Variants in SATB2 observed in about 807,000 individuals in gnomAD.
SATB2 encodes the protein DNA-binding protein SATB2.
Under a neutral mutation model 73.4 loss-of-function variants are expected in SATB2, and 1 was observed. That is an observed-to-expected ratio of 0.01 (90% CI 0.00 to 0.06). The LOEUF is 0.06. Among genes scored for constraint, SATB2 ranks in the 10% least tolerant of loss-of-function variants. SATB2 has a pLI of 1.00. For synonymous variants in SATB2, 397 were observed against 367.0 expected (o/e 1.08, Z -0.93); for missense variants, 459 against 945.8 (o/e 0.49, Z 6.75).
At chr2:199,342,579 T>A (rs1002629577) in intron 7 of SATB2, among the ~76,000 whole-genome samples, 1 of 152,118 alleles carries the variant, frequency 6.6e-6, no homozygotes, top group African/African-American at 2.4e-5. Context: ...GGAGATCCCA[T>A]ATCCTGGCAT....
intron 3 of SATB2, among the ~76,000 whole-genome samples, chr2:199,393,768 T>A (rs767439859): frequency 1.9e-4 from 29 of 152,232 alleles, no homozygotes; most frequent in Non-Finnish European, 3.5e-4. Flanking sequence ...CATCCAGCTT[T>A]TTGTTTCTCA....
Position 199,457,816 on chromosome 2 carries a change from AC to A in SATB2, c.-538del, listed in dbSNP as rs1692336141. On this transcript the variant is annotated 5_prime_UTR_variant, in exon 1 of 11. Transcript: ENST00000417098. This position sits in a 1 kb window ranked among gnomAD's most constrained non-coding sequence, Gnocchi z 4.8. ...CGGCCAGAGCGGTGGGACCGGTAACACCAAGAGCCGAGAAGACGCAGGGACC... is the reference window on the plus strand; with the variant it reads ...CGGCCAGAGCGGTGGGACCGGTAACACAAGAGCCGAGAAGACGCAGGGACC... 1.3e-5 allele frequency: 2 copies of A among 153,600 alleles called. No homozygotes were observed. The highest frequency in any genetic ancestry group is 2.9e-5 in the Non-Finnish European group (2 of 68,456). The allele number at this position is 153,600 out of a possible 1,614,324, so 9.5% of individuals were successfully genotyped here.
At chr2:199,445,788 C>T (rs1177859927) in intron 2 of SATB2, among the ~76,000 whole-genome samples, 1 of 152,138 alleles carries the variant, frequency 6.6e-6, no homozygotes, top group Non-Finnish European at 1.5e-5. Context: ...TCTAATACCA[C>T]ATTTCCCAAA....
At chr2:199,337,955 AT>A (rs1275495215) in intron 7 of SATB2, among the ~76,000 whole-genome samples, 1 of 152,210 alleles carries the variant, frequency 6.6e-6, no homozygotes, top group Non-Finnish European at 1.5e-5. Context: ...AAATAACAGA[AT>A]TTAAAGCTAG....
At position 199,272,541 on chromosome 2, in the gene SATB2, T is replaced by C; in HGVS notation, c.1872A>G (p.Glu624=). 1 of 1,614,180 alleles carries C rather than the reference T, an allele frequency of 6.2e-7. No homozygotes were observed. The highest frequency in any genetic ancestry group is 8.5e-7 in the Non-Finnish European group (1 of 1,180,028). The change falls in exon 11 of 11, where the codon GAA becomes GAG. Residue 624 remains glutamate, a synonymous_variant. Coordinates refer to ENST00000417098, the MANE Select transcript of SATB2 (RefSeq NM_001172509.2). This position sits in a 1 kb window ranked among gnomAD's most constrained non-coding sequence, Gnocchi z 6.7. ...KPRSRTKISL[E]ALGILQSFIH... is the part of the protein sequence containing the mutation. Reference sequence around the variant, plus strand: ...TAAAGCTTTGGAGGATCCCCAGGGCTTCTAAGGAGATCTTTGTGCGAGACC... The same window carrying C: ...TAAAGCTTTGGAGGATCCCCAGGGCCTCTAAGGAGATCTTTGTGCGAGACC...
intron 2 of SATB2, among the ~76,000 whole-genome samples, chr2:199,450,685 A>C (rs1350360128): frequency 6.6e-6 from 1 of 152,084 alleles, no homozygotes; most frequent in Non-Finnish European, 1.5e-5. Flanking sequence ...TAAATTTAAC[A>C]TGTCTTTTTA....
At chr2:199,341,213 T>G (rs1356517282) in intron 7 of SATB2, among the ~76,000 whole-genome samples, 2 of 152,192 alleles carry the variant, frequency 1.3e-5, no homozygotes, top group Non-Finnish European at 2.9e-5. Flanking sequence ...ACAAATTAAA[T>G]AGTCAAGCAA....
In SATB2 at chr2:199,380,415, C is replaced by G. The variant is rs1167562767; in HGVS notation, c.546G>C (p.Leu182=). 14 of 1,613,856 alleles carry G rather than the reference C, an allele frequency of 8.7e-6. No individual in the cohort carries two copies. The highest frequency in any genetic ancestry group is 1.2e-5 in the Non-Finnish European group (14 of 1,179,860). ...HATVRNALKE[L]LKEMNQSTLA... is the part of the protein sequence containing the mutation. ...ATGTGCTCTGGTTCATCTCTTTGAG[C>G]AGTTCCTTTAAGGCATTGCGGACTG... The change falls in exon 5 of 11, where the codon CTG becomes CTC. Residue 182 remains leucine (L), a synonymous_variant. Transcript: ENST00000417098.
intron 6 of SATB2, among the ~76,000 whole-genome samples, chr2:199,353,029 AG>A (rs935282386): frequency 6.6e-6 from 1 of 152,144 alleles, no homozygotes; most frequent in Non-Finnish European, 1.5e-5. Context: ...GAATGAAAAA[AG>A]AAAAAAAATT....
rs537941446 is a variant in SATB2, at chr2:199,463,208, G to A, written c.-141+1628C>T. ...TTTTGCAGAGCCCAGAACTTAATAG[G>A]TGGGTCCCCTTCTGCAACCACGCTG... On this transcript the variant is annotated intron_variant, in intron 1 of 11. Transcript: ENST00000260926. The surrounding 1 kb of genome is among the most constrained non-coding windows in gnomAD (Gnocchi z 6.4). Among the ~76,000 whole-genome samples the A allele has an allele frequency of 9.9e-5, 15 of 152,282 alleles. No homozygotes were observed. The highest frequency in any genetic ancestry group is 9.7e-4 in the East Asian group (5 of 5,154).
At chr2:199,277,054 G>A (rs1473631243) in intron 10 of SATB2, among the ~76,000 whole-genome samples, 2 of 152,110 alleles carry the variant, frequency 1.3e-5, no homozygotes, top group Admixed American at 6.5e-5. Context: ...AGTCAGATAT[G>A]AAAGACCAAA....
intron 3 of SATB2, among the ~76,000 whole-genome samples, chr2:199,428,915 A>T (rs1448422701): frequency 6.6e-6 from 1 of 151,978 alleles, no homozygotes; most frequent in East Asian, 1.9e-4. Flanking sequence ...CTGAGGCAGG[A>T]AGATTGCTTG....
chr2:199,424,954 A>G (rs1465213336), intron 3 of SATB2, among the ~76,000 whole-genome samples: 1 of 152,246 alleles, frequency 6.6e-6, no homozygotes, highest in African/African-American at 2.4e-5. Context: ...GTTTTTTACC[A>G]AATGAGTTCC....
At chr2:199,428,078 G>A (rs1042872744) in intron 3 of SATB2, among the ~76,000 whole-genome samples, 2 of 152,182 alleles carry the variant, frequency 1.3e-5, no homozygotes, top group Non-Finnish European at 1.5e-5. Context: ...GATCAACACT[G>A]ACAAAACATT....
chr2:199,366,283 T>C (rs903922944), intron 6 of SATB2, among the ~76,000 whole-genome samples: 11 of 152,098 alleles, frequency 7.2e-5, no homozygotes, highest in Non-Finnish European at 1.2e-4. Flanking sequence ...ATTGCCTTTT[T>C]TTCATTTTGA....
chr2:199,285,875 CTG>C (rs1245825923), intron 10 of SATB2, among the ~76,000 whole-genome samples: 1 of 57,368 alleles, frequency 1.7e-5, no homozygotes, highest in East Asian at 6.7e-4. Context: ...CAGCCTTAGT[CTG>C]TTTTTTTTTT....
At chr2:199,377,227 A>T (rs1689631143) in intron 5 of SATB2, among the ~76,000 whole-genome samples, 1 of 152,122 alleles carries the variant, frequency 6.6e-6, no homozygotes, top group African/African-American at 2.4e-5. Context: ...ATACAAAAAA[A>T]AAATACCCAG....
intron 6 of SATB2, among the ~76,000 whole-genome samples, chr2:199,353,708 C>T (rs1688889701): frequency 6.6e-6 from 1 of 151,962 alleles, no homozygotes. Context: ...CTTCCCTTTA[C>T]TCCCTCCTTC....
intron 2 of SATB2, among the ~76,000 whole-genome samples, chr2:199,446,118 T>C (rs1255823557): frequency 6.6e-6 from 1 of 152,202 alleles, no homozygotes; most frequent in Non-Finnish European, 1.5e-5. Flanking sequence ...CTAGTCAATG[T>C]TACAATTACA....
Sources: allele counts gnomAD v4.1 joint callset (sites outside exome capture counted in the v4.1 genomes callset), GRCh38; gene constraint gnomAD v4.1.1; non-coding constraint Gnocchi (gnomAD v3.1); transcripts MANE v1.5; gene names NCBI Gene and HGNC (gene_info 2026-07-23, HGNC 2026-07-21).